The following HS6ST3 variants were observed in gnomAD, a reference collection of about 807,000 sequenced individuals.
HS6ST3 encodes heparan-sulfate 6-O-sulfotransferase 3.
In HS6ST3, 12 loss-of-function variants were observed where a neutral mutation model predicts 36.7. The ratio of observed to expected loss-of-function variants is 0.33; its 90% CI spans 0.21 to 0.53. HS6ST3 has a LOEUF of 0.53. Ranked by LOEUF, HS6ST3 falls within the 20% of genes least tolerant of loss-of-function variation. HS6ST3 has a pLI of 0.95. For synonymous variants in HS6ST3, 240 were observed against 257.5 expected, an observed-to-expected ratio of 0.93 and a Z score of 0.65; for missense variants, 584 against 640.9, an observed-to-expected ratio of 0.91 and a Z score of 0.96.
At chr13:96,179,447 T>C (rs1373991978) in intron 1 of HS6ST3, among the ~76,000 whole-genome samples, 2 of 152,250 alleles carry the variant, frequency 1.3e-5, no homozygotes, top group Non-Finnish European at 2.9e-5. Context: ...GCTCATCACC[T>C]TGGAGTCATT....
chr13:96,501,462 T>C (rs542032911), intron 1 of HS6ST3, among the ~76,000 whole-genome samples: 1 of 152,322 alleles, frequency 6.6e-6, no homozygotes, highest in African/African-American at 2.4e-5. Flanking sequence ...GTTGCTGTCC[T>C]TGGGCAAGTT....
intron 1 of HS6ST3, among the ~76,000 whole-genome samples, chr13:96,284,811 CT>C (rs2054792787): frequency 6.6e-6 from 1 of 152,002 alleles, no homozygotes; most frequent in Non-Finnish European, 1.5e-5. Context: ...TTTCTTCTTT[CT>C]TTCTTTCTTT....
chr13:96,183,083 TTACCAAATG>T (rs1357445426), intron 1 of HS6ST3, among the ~76,000 whole-genome samples: 2 of 152,180 alleles, frequency 1.3e-5, no homozygotes, highest in African/African-American at 4.8e-5. Context: ...TGTTTTTCTG[TTACCAAATG>T]TTGTGGATAA....
chr13:96,746,116 A>G (rs556553359), intron 1 of HS6ST3, among the ~76,000 whole-genome samples: 1 of 152,104 alleles, frequency 6.6e-6, no homozygotes, highest in Non-Finnish European at 1.5e-5. Flanking sequence ...TCCCAATTTA[A>G]AAAGAGTGTA....
At chr13:96,496,882 C>T (rs892017122) in intron 1 of HS6ST3, among the ~76,000 whole-genome samples, 1 of 152,046 alleles carries the variant, frequency 6.6e-6, no homozygotes, top group South Asian at 2.1e-4. Context: ...GGAAAGAAAG[C>T]CAGGACCAGA....
At chr13:96,775,582 C>A (rs1479914434) in intron 1 of HS6ST3, among the ~76,000 whole-genome samples, 1 of 150,146 alleles carries the variant, frequency 6.7e-6, no homozygotes, top group African/African-American at 2.4e-5. Context: ...CAACAAAGAT[C>A]AAAAAAGACA....
At chr13:96,164,812 A>G (rs901069032) in intron 1 of HS6ST3, among the ~76,000 whole-genome samples, 1 of 152,166 alleles carries the variant, frequency 6.6e-6, no homozygotes, top group Non-Finnish European at 1.5e-5. Context: ...TCTAATTAGG[A>G]TGAAGCTGGG....
chr13:96,222,121 A>C (rs1329066330), intron 1 of HS6ST3, among the ~76,000 whole-genome samples: 1 of 152,238 alleles, frequency 6.6e-6, no homozygotes, highest in Non-Finnish European at 1.5e-5. Context: ...GCAACTGTAA[A>C]ACATCAATCA....
At chr13:96,411,104 A>G (rs956908927) in intron 1 of HS6ST3, among the ~76,000 whole-genome samples, 2 of 152,250 alleles carry the variant, frequency 1.3e-5, no homozygotes, top group African/African-American at 2.4e-5. Context: ...CAAAATATGT[A>G]TTTAAAATGA....
chr13:96,754,123 TG>T (rs1320032769), intron 1 of HS6ST3, among the ~76,000 whole-genome samples: 1 of 152,132 alleles, frequency 6.6e-6, no homozygotes, highest in South Asian at 2.1e-4. Flanking sequence ...CCGGCAAAAA[TG>T]TTTTTTTGAT....
At chr13:96,820,082 T>G (rs1024926640) in intron 1 of HS6ST3, among the ~76,000 whole-genome samples, 1 of 136,066 alleles carries the variant, frequency 7.3e-6, no homozygotes, top group African/African-American at 2.7e-5. Context: ...TCTCAAAAAA[T>G]AAAAAAAAAA....
chr13:96,171,204 G>A (rs145844122), intron 1 of HS6ST3, among the ~76,000 whole-genome samples: 247 of 152,276 alleles, frequency 1.6e-3, no homozygotes, highest in Admixed American at 2.9e-3. Context: ...AGAGAGAATG[G>A]TTGAGAACAA....
intron 1 of HS6ST3, among the ~76,000 whole-genome samples, chr13:96,357,072 C>T (rs1251117729): frequency 3.3e-5 from 5 of 152,212 alleles, no homozygotes; most frequent in South Asian, 2.1e-4. Context: ...CTGCAATTTC[C>T]TCACTTCTCT....
chr13:96,142,344 T>A (rs996215463), intron 1 of HS6ST3, among the ~76,000 whole-genome samples: 1 of 152,212 alleles, frequency 6.6e-6, no homozygotes, highest in Admixed American at 6.5e-5. Flanking sequence ...TGTCCTTTTG[T>A]ATTTTTTGGA....
chr13:96,470,655 TTC>T (rs2055836155), intron 1 of HS6ST3, among the ~76,000 whole-genome samples: 1 of 152,158 alleles, frequency 6.6e-6, no homozygotes, highest in South Asian at 2.1e-4. Context: ...CTACGTTTAT[TTC>T]TGTTTTCCCA....
At chr13:96,663,515 T>A (rs1417849847) in intron 1 of HS6ST3, among the ~76,000 whole-genome samples, 1 of 152,162 alleles carries the variant, frequency 6.6e-6, no homozygotes, top group Non-Finnish European at 1.5e-5. Context: ...GTATAGGTAA[T>A]AACATGGAGA....
chr13:96,568,973 G>T (rs1346334171), intron 1 of HS6ST3, among the ~76,000 whole-genome samples: 2 of 152,140 alleles, frequency 1.3e-5, no homozygotes, highest in East Asian at 3.9e-4. Context: ...GCCTAAGTGG[G>T]AATGAGGTAA....
At chr13:96,642,714 G>A (rs1020448639) in intron 1 of HS6ST3, among the ~76,000 whole-genome samples, 2 of 151,630 alleles carry the variant, frequency 1.3e-5, no homozygotes, top group African/African-American at 4.8e-5. Context: ...TATTCTTTTT[G>A]CCATCAGATA....
At chr13:96,719,205 C>T (rs928880663) in intron 1 of HS6ST3, among the ~76,000 whole-genome samples, 4 of 151,046 alleles carry the variant, frequency 2.6e-5, no homozygotes, top group Admixed American at 1.3e-4. Context: ...ACCCGGGAGA[C>T]GGAGGTTGCA....
Sources: gnomAD v4.1 joint callset for allele counts (sites outside exome capture counted in the v4.1 genomes callset) on GRCh38, gnomAD v4.1.1 for gene constraint, MANE v1.5 for transcripts, NCBI Gene and HGNC (gene_info 2026-07-23, HGNC 2026-07-21) for gene names.